The following TASOR variants were observed in gnomAD, a reference collection of about 807,000 sequenced individuals.
TASOR encodes protein TASOR.
In TASOR, 53 loss-of-function variants were observed where a neutral mutation model predicts 178.6. The ratio of observed to expected loss-of-function variants is 0.30; its 90% CI spans 0.24 to 0.37. The LOEUF (loss-of-function observed/expected upper bound fraction) is 0.37. Ranked by LOEUF, TASOR falls within the 10% of genes least tolerant of loss-of-function variation. The pLI, the probability that TASOR is intolerant of heterozygous loss-of-function variation, is 1.00. For missense variants in TASOR, 1,815 were observed against 1,971.4 expected, an observed-to-expected ratio of 0.92 and a Z score of 1.50; for synonymous variants, 713 against 696.2, an observed-to-expected ratio of 1.02 and a Z score of -0.38.
chr3:56,646,448 A>G lies in TASOR; in HGVS notation c.2215+74T>C, dbSNP rs1490608539. 7.9e-6 allele frequency: 10 copies of G among 1,264,108 alleles called. No homozygotes were observed. In the African/African-American group the frequency reaches 1.3e-4, roughly 17 times the overall value. The allele number at this position is 1,264,108 out of a possible 1,614,324, so 78.3% of individuals were successfully genotyped here. ...GAATTTGACCCTCAGGCTTTAATTT[A>G]TACGCCCCTCTGCTACAAGAAAGAA... On this transcript the variant is annotated intron_variant, in intron 14 of 23. Coordinates refer to ENST00000683822, the MANE Select transcript of TASOR (RefSeq NM_001365635.2).
chr3:56,647,834 C>T (rs943123588), intron 13 of TASOR, among the ~76,000 whole-genome samples: 1 of 152,150 alleles, frequency 6.6e-6, no homozygotes. Flanking sequence ...TAATATTTAT[C>T]CTGGCAAATG....
rs749614843 is a variant in TASOR at position 56,621,662 on chromosome 3, A to G, written c.*1375T>C. ...TTCACATTTGATTTGTGTCTTCCAA[A>G]TTATAAAATGTGCTCACTGGCTCAA... On this transcript the variant is annotated 3_prime_UTR_variant, in exon 24 of 24. Coordinates refer to ENST00000683822, the MANE Select transcript of TASOR (RefSeq NM_001365635.2). The G allele has an allele frequency of 3.7e-6, 5 of 1,361,186 alleles. No homozygotes were observed. The South Asian group carries it at 6.3e-5, about 17-fold the overall frequency. The allele number at this position is 1,361,186 out of a possible 1,614,324, so 84.3% of individuals were successfully genotyped here.
chr3:56,673,830 G>C, intron 1 of TASOR, 105 bp from the exon 2 acceptor site: 1 of 926,068 alleles, frequency 1.1e-6, no homozygotes, highest in East Asian at 2.8e-5. Flanking sequence ...CATGAAAAAA[G>C]GCATCAAGGC....
At chr3:56,645,452 A>C (rs1306387649) in intron 14 of TASOR, among the ~76,000 whole-genome samples, 1 of 152,244 alleles carries the variant, frequency 6.6e-6, no homozygotes, top group African/African-American at 2.4e-5. Context: ...AATAAAAAGC[A>C]TAAGAATATT....
chr3:56,626,871 G>GCTT (rs10635617), intron 21 of TASOR, among the ~76,000 whole-genome samples, 166 bp downstream of exon 21: 27,490 of 152,050 alleles, frequency 0.18, 3,250 homozygotes, highest in South Asian at 0.4. Context: ...GAAAAATACT[G>GCTT]CTTCTTATAA....
Position 56,623,358 on chromosome 3 carries a change from A to C in TASOR, c.4692T>G (p.Thr1564=), listed in dbSNP as rs369694703. 6 of 1,613,484 alleles carry C rather than the reference A, an allele frequency of 3.7e-6. No individual in the cohort carries two copies. In the African/African-American group the frequency reaches 8.0e-5, roughly 22 times the overall value. ...DVQNSLLEDK[T]YLDSEERTSI... ...AAGTTCTCTCTTCAGAATCAAGGTA[A>C]GTCTTATCTTCTAATAAACTGTTTT... The change falls in exon 24 of 24, where the codon ACT becomes ACG. Residue 1564 remains threonine (T), a synonymous_variant. Coordinates refer to ENST00000683822, the MANE Select transcript of TASOR (RefSeq NM_001365635.2).
At chr3:56,627,244 C>CT in intron 20 of TASOR, 99 bp from the exon 21 acceptor site, 1 of 706,024 alleles carries the variant, frequency 1.4e-6, no homozygotes, top group Non-Finnish European at 2.4e-6. Context: ...GAAACACCTA[C>CT]TTTCCTATGT....
intron 11 of TASOR, among the ~76,000 whole-genome samples, chr3:56,651,377 C>CA (rs1201506984): frequency 6.6e-6 from 1 of 151,932 alleles, no homozygotes; most frequent in Admixed American, 6.6e-5. Context: ...CCCCCACCCC[C>CA]ACAAAAAAAG....
chr3:56,641,823 C>A (rs2077131183), intron 14 of TASOR, 71 bp from the exon 15 acceptor site: 3 of 1,446,500 alleles, frequency 2.1e-6, no homozygotes, highest in Non-Finnish European at 2.8e-6. Flanking sequence ...ATCAAATATA[C>A]CTAAAAAATT....
intron 16 of TASOR, 147 bp from the exon 17 acceptor site, chr3:56,638,912 T>C (rs2077067854): frequency 1.3e-6 from 1 of 741,114 alleles, no homozygotes; most frequent in East Asian, 2.6e-5. Flanking sequence ...TGATGGAATA[T>C]CAACACTTAA....
chr3:56,653,262 CAAAAAAAAAAAAAAAAAA>C (rs1176419181), intron 11 of TASOR, among the ~76,000 whole-genome samples: 4 of 4,962 alleles, frequency 8.1e-4, no homozygotes, highest in Admixed American at 3.8e-3. Flanking sequence ...GACTCCATCT[CAAAAAAAAAAAAAAAAAA>C]AAAAAAAAAG....
chr3:56,635,127 C>T (rs2076990401), intron 17 of TASOR, among the ~76,000 whole-genome samples: 1 of 152,268 alleles, frequency 6.6e-6, no homozygotes, highest in Admixed American at 6.5e-5. Context: ...TCACACTTTT[C>T]TAAAGGTTTA....
At chr3:56,627,841 G>T in intron 19 of TASOR, 100 bp from the exon 20 acceptor site, 1 of 1,009,638 alleles carries the variant, frequency 9.9e-7, no homozygotes, top group Non-Finnish European at 1.5e-6. Context: ...AATGCATTAT[G>T]GCTCATCTAT....
intron 13 of TASOR, among the ~76,000 whole-genome samples, chr3:56,647,506 C>T (rs770324977): frequency 6.6e-6 from 1 of 152,172 alleles, no homozygotes; most frequent in Non-Finnish European, 1.5e-5. Flanking sequence ...ATCTCACTTC[C>T]TACTGCCCCC....
Position 56,628,633 on chromosome 3 carries a change from T to G in TASOR, c.3748-19A>C. The G allele has an allele frequency of 4.1e-6, 6 of 1,469,352 alleles. No individual in the cohort carries two copies. Among genetic ancestry groups the G allele is most frequent in the Non-Finnish European group, 5.6e-6 (6 of 1,073,738 alleles). 91.0% of individuals were successfully genotyped at this position (1,469,352 alleles called of 1,614,324 possible). The stretch of plus-strand genomic sequence containing the variant: ...GATATTCCTGTTAAAGAAAAACAAC[T>G]AAATCAATATTAAAATACTTCTTTG... On this transcript the variant is annotated intron_variant, in intron 18 of 23. Coordinates refer to ENST00000683822, the MANE Select transcript of TASOR (RefSeq NM_001365635.2).
intron 17 of TASOR, 76 bp downstream of exon 17, chr3:56,638,630 G>T: frequency 6.8e-7 from 1 of 1,473,832 alleles, no homozygotes; most frequent in Non-Finnish European, 9.5e-7. Flanking sequence ...ATGCCCTATT[G>T]ATGGAGTATC....
intron 1 of TASOR, among the ~76,000 whole-genome samples, chr3:56,675,492 A>G (rs1315049731): frequency 6.6e-6 from 1 of 152,196 alleles, no homozygotes; most frequent in Non-Finnish European, 1.5e-5. Context: ...TTAATTTTTA[A>G]AACATTTAAA....
chr3:56,637,527 G>GA (rs80118029), intron 17 of TASOR, among the ~76,000 whole-genome samples: 62 of 141,988 alleles, frequency 4.4e-4, no homozygotes, highest in Admixed American at 4.2e-4. Flanking sequence ...TATCAGAGGG[G>GA]AAAAAAAAAA....
At chr3:56,623,774 A>C in intron 23 of TASOR, 1 of 1,550,614 alleles carries the variant, frequency 6.4e-7, no homozygotes, top group Non-Finnish European at 8.7e-7. Flanking sequence ...AGCTTCTGCG[A>C]AATGTGTTCA....
Sources: allele counts gnomAD v4.1 joint callset (sites outside exome capture counted in the v4.1 genomes callset), GRCh38; gene constraint gnomAD v4.1.1; transcripts MANE v1.5; gene names NCBI Gene and HGNC (gene_info 2026-07-23, HGNC 2026-07-21).